DENND2C: variants seen among roughly 807,000 people sequenced by gnomAD.
DENND2C encodes DENN domain containing 2C, also known as DENN domain-containing protein 2C.
In DENND2C, 72 loss-of-function variants were observed where a neutral mutation model predicts 112.4. The observed-to-expected ratio is 0.64, with a 90% CI of 0.53 to 0.78. The LOEUF (loss-of-function observed/expected upper bound fraction) is 0.78, where lower values mean the gene tolerates loss of function less well. DENND2C is among the 30% of genes least tolerant of loss of function. The pLI is 0.00. For synonymous variants in DENND2C, 329 were observed against 381.6 expected (o/e 0.86, Z 1.61); for missense variants, 992 against 1,113.8 (o/e 0.89, Z 1.56).
At chr1:114,655,168 T>C (rs915493280) in intron 1 of DENND2C, among the ~76,000 whole-genome samples, 1 of 152,192 alleles carries the variant, frequency 6.6e-6, no homozygotes, top group Non-Finnish European at 1.5e-5. Context: ...TTATCCTCAT[T>C]TGCACACAGA....
At chr1:114,591,228 G>A (rs1310574272) in intron 18 of DENND2C, among the ~76,000 whole-genome samples, 3 of 152,030 alleles carry the variant, frequency 2.0e-5, no homozygotes, top group African/African-American at 7.2e-5. Flanking sequence ...TTGACCTCCC[G>A]AAGTGCTAGG....
Position 114,590,390 on chromosome 1 carries a change from C to CA in DENND2C, c.2432-2439dup, listed in dbSNP as rs1201409186. ...TGGTTGACAGAATGAAACCTTATCT[C>CA]AAAAAAAAAATTCATTCTTAAGGCT... On this transcript the variant is annotated intron_variant, in intron 18 of 20. Coordinates refer to ENST00000393274, the MANE Select transcript of DENND2C (RefSeq NM_001256404.2). Among the ~76,000 whole-genome samples, 237 of 148,976 alleles carry CA rather than the reference C, an allele frequency of 1.6e-3. 1 individual carries two copies. Among genetic ancestry groups the CA allele is most frequent in the Admixed American group, 4.8e-3 (72 of 14,950 alleles).
At chr1:114,605,101 G>T in intron 10 of DENND2C, 70 bp from the exon 11 acceptor site, 1 of 1,189,942 alleles carries the variant, frequency 8.4e-7, no homozygotes. Flanking sequence ...AAAAAACTCA[G>T]CCTTGTCTCA....
At chr1:114,612,729 A>T (rs1384248862) in intron 8 of DENND2C, among the ~76,000 whole-genome samples, 4 of 152,178 alleles carry the variant, frequency 2.6e-5, no homozygotes, top group Non-Finnish European at 4.4e-5. Context: ...CGTGTTGGTC[A>T]GGCTGGTCTT....
Position 114,584,771 on chromosome 1 carries a change from T to A in DENND2C, c.*829A>T, listed in dbSNP as rs1250787939. ...CACAAAGTTTAAATTTATTTACTTATTTTTAAAATGTTTTTGTAGAGATGG... is the reference window on the plus strand; with the variant it reads ...CACAAAGTTTAAATTTATTTACTTAATTTTAAAATGTTTTTGTAGAGATGG... On this transcript the variant is annotated 3_prime_UTR_variant, in exon 21 of 21. Transcript: ENST00000393274. 2 of 152,172 alleles carry A rather than the reference T, an allele frequency of 1.3e-5. No homozygotes were observed. The highest frequency in any genetic ancestry group is 4.8e-5 in the African/African-American group (2 of 41,448). 9.4% of individuals were successfully genotyped at this position (152,172 alleles called of 1,614,324 possible).
chr1:114,633,141 T>C (rs115461513), intron 3 of DENND2C, among the ~76,000 whole-genome samples: 4,013 of 152,142 alleles, frequency 0.026, 94 homozygotes, highest in Non-Finnish European at 0.034. Flanking sequence ...TAACCCACAA[T>C]GGAACTGAAT....
At chr1:114,598,078 T>C (rs1239522123) in intron 16 of DENND2C, among the ~76,000 whole-genome samples, 3 of 152,212 alleles carry the variant, frequency 2.0e-5, no homozygotes, top group Non-Finnish European at 2.9e-5. Flanking sequence ...ACTTTATTTA[T>C]TAAAGTTGGA....
intron 2 of DENND2C, among the ~76,000 whole-genome samples, chr1:114,650,238 G>A (rs531502920): frequency 1.3e-5 from 2 of 151,870 alleles, no homozygotes; most frequent in African/African-American, 2.4e-5. Context: ...CAGGAGAATC[G>A]CTTGAACCCA....
At chr1:114,587,564 C>T in intron 19 of DENND2C, 91 bp from the exon 20 acceptor site, 2 of 1,495,034 alleles carry the variant, frequency 1.3e-6, no homozygotes, top group South Asian at 2.3e-5. Context: ...TGTATTATTT[C>T]CAGGGCTAAA....
intron 1 of DENND2C, among the ~76,000 whole-genome samples, chr1:114,666,617 G>A (rs913505634): frequency 2.0e-5 from 3 of 152,028 alleles, no homozygotes; most frequent in Admixed American, 6.6e-5. Flanking sequence ...CACCACACCC[G>A]TATAATTTTT....
chr1:114,657,783 C>G (rs146274217), intron 1 of DENND2C, among the ~76,000 whole-genome samples: 92 of 152,268 alleles, frequency 6.0e-4, no homozygotes, highest in African/African-American at 2.1e-3. Flanking sequence ...TGGACAGGAA[C>G]GTGAAGTCCA....
At chr1:114,585,768 T>G (rs1453337427) in intron 20 of DENND2C, 137 bp from the exon 21 acceptor site, 1 of 838,894 alleles carries the variant, frequency 1.2e-6, no homozygotes, top group African/African-American at 1.7e-5. Context: ...GTTGATGTGT[T>G]TAACCCCCAA....
chr1:114,620,037 G>A (rs542257425), intron 7 of DENND2C, among the ~76,000 whole-genome samples: 3 of 152,278 alleles, frequency 2.0e-5, no homozygotes, highest in South Asian at 4.1e-4. Flanking sequence ...AGCAGGGAAG[G>A]AAAGGAAGAG....
chr1:114,637,496 C>T (rs563721430), intron 3 of DENND2C, among the ~76,000 whole-genome samples: 11 of 151,986 alleles, frequency 7.2e-5, no homozygotes, highest in African/African-American at 2.4e-4. Flanking sequence ...AGATATTACA[C>T]ATTAATGTAC....
At chr1:114,619,705 G>A (rs753458126) in intron 7 of DENND2C, among the ~76,000 whole-genome samples, 2 of 151,944 alleles carry the variant, frequency 1.3e-5, no homozygotes, top group African/African-American at 2.4e-5. Flanking sequence ...AAGTACTAAG[G>A]GCTATAGGAA....
intron 8 of DENND2C, 67 bp from the exon 9 acceptor site, chr1:114,611,184 A>G (rs1655807045): frequency 6.4e-7 from 1 of 1,573,202 alleles, no homozygotes; most frequent in South Asian, 1.1e-5. Flanking sequence ...GATGAGAACA[A>G]TGTAAACCCA....
At chr1:114,666,508 T>G (rs1204350542) in intron 1 of DENND2C, among the ~76,000 whole-genome samples, 1 of 152,120 alleles carries the variant, frequency 6.6e-6, no homozygotes, top group Non-Finnish European at 1.5e-5. Context: ...CAGGCTGGAG[T>G]GCAGGTGCAC....
rs755502651 is a variant in DENND2C at position 114,599,283 on chromosome 1, G to A, written c.2274C>T (p.Pro758=). 2 of 1,607,546 alleles carry A rather than the reference G, an allele frequency of 1.2e-6. No homozygotes were observed. Among genetic ancestry groups the A allele is most frequent in the South Asian group, 2.2e-5 (2 of 89,884 alleles). The part of the protein sequence containing the change: ...SCSLPQLQDL[P]IEEVLIVDLC... ...CATTCTTCTATCTCACCTCTTCAATGGGTAGGTCCTGGAGCTGTGGTAAGG... is the reference window on the plus strand; with the variant it reads ...CATTCTTCTATCTCACCTCTTCAATAGGTAGGTCCTGGAGCTGTGGTAAGG... The change falls in exon 16 of 21, where the codon CCC becomes CCT. Residue 758 remains proline (P), a synonymous_variant. Transcript: ENST00000393274.
intron 16 of DENND2C, among the ~76,000 whole-genome samples, chr1:114,598,655 A>G (rs1039870073): frequency 1.3e-5 from 2 of 151,892 alleles, no homozygotes; most frequent in South Asian, 2.1e-4. Context: ...CCACTTATCT[A>G]TATGTGTGTT....
Sources: allele counts gnomAD v4.1 joint callset (sites outside exome capture counted in the v4.1 genomes callset), GRCh38; gene constraint gnomAD v4.1.1; transcripts MANE v1.5; gene names NCBI Gene and HGNC (gene_info 2026-07-23, HGNC 2026-07-21).